The following CSMD1 variants were observed in gnomAD, a reference collection of about 807,000 sequenced individuals.
CSMD1 encodes the protein CUB and sushi domain-containing protein 1.
In CSMD1, 213 loss-of-function variants were observed where a neutral mutation model predicts 417.5. The ratio of observed to expected loss-of-function variants is 0.51; its 90% CI spans 0.46 to 0.57. The LOEUF (loss-of-function observed/expected upper bound fraction) is 0.57. Among genes scored for constraint, CSMD1 ranks in the 20% least tolerant of loss-of-function variants. The pLI, the probability that CSMD1 is intolerant of heterozygous loss-of-function variation, is 0.00. For synonymous variants in CSMD1, 2,862 were observed against 1,736.8 expected (o/e 1.65, Z -16.11); for missense variants, 6,923 against 4,529.7 (o/e 1.53, Z -15.17).
intron 52 of CSMD1, among the ~76,000 whole-genome samples, chr8:3,004,743 C>T (rs945233546): frequency 1.5e-4 from 23 of 152,150 alleles, no homozygotes; most frequent in African/African-American, 5.6e-4. Context: ...AATTCACCAA[C>T]CACTTAAAAT....
chr8:3,869,275 G>C (rs1406962205), intron 5 of CSMD1, among the ~76,000 whole-genome samples: 1 of 152,072 alleles, frequency 6.6e-6, no homozygotes, highest in African/African-American at 2.4e-5. Context: ...TTCTCAAATT[G>C]TGACACACCA....
chr8:3,030,336 C>T lies in CSMD1; in HGVS notation c.7661-823G>A, dbSNP rs576353751. 3.0e-4 allele frequency among the ~76,000 whole-genome samples: 46 copies of T among 151,858 alleles called. No individual in the cohort carries two copies. The South Asian group carries it at 4.0e-3, about 13-fold the overall frequency. ...GAAACCAGAACCATTTCTCTAATTACGAAGATTTAGTAGCTATCATTCATT... is the reference window on the plus strand; with the variant it reads ...GAAACCAGAACCATTTCTCTAATTATGAAGATTTAGTAGCTATCATTCATT... On this transcript the variant is annotated intron_variant, in intron 50 of 69. Transcript: ENST00000635120.
chr8:4,240,597 C>T (rs144430608), intron 3 of CSMD1, among the ~76,000 whole-genome samples: 1 of 152,238 alleles, frequency 6.6e-6, no homozygotes, highest in Admixed American at 6.5e-5. Context: ...AAAATGAACT[C>T]CTTTCACACT....
At chr8:3,005,016 G>A (rs901963910) in intron 52 of CSMD1, among the ~76,000 whole-genome samples, 1 of 152,188 alleles carries the variant, frequency 6.6e-6, no homozygotes, top group Non-Finnish European at 1.5e-5. Context: ...GCACATGCCT[G>A]TAGTCCCAGC....
intron 6 of CSMD1, among the ~76,000 whole-genome samples, chr8:3,728,959 C>G (rs1009506191): frequency 6.6e-6 from 1 of 152,134 alleles, no homozygotes; most frequent in Non-Finnish European, 1.5e-5. Flanking sequence ...GAGTGCCGTT[C>G]GAATATCTGC....
At chr8:4,988,556 T>G (rs1305348725) in intron 1 of CSMD1, among the ~76,000 whole-genome samples, 2 of 152,240 alleles carry the variant, frequency 1.3e-5, no homozygotes, top group East Asian at 3.8e-4. Context: ...TGAAGTTAAT[T>G]TGTTGAAATG....
chr8:4,874,465 C>A (rs1755604985), intron 1 of CSMD1, among the ~76,000 whole-genome samples: 1 of 149,878 alleles, frequency 6.7e-6, no homozygotes, highest in Admixed American at 6.7e-5. Context: ...TCTCGACTCA[C>A]TGCAATCTCT....
At chr8:3,217,639 T>C (rs1797957461) in intron 29 of CSMD1, among the ~76,000 whole-genome samples, 1 of 152,172 alleles carries the variant, frequency 6.6e-6, no homozygotes, top group Non-Finnish European at 1.5e-5. Context: ...GGCTCAAAAG[T>C]ACTGTTTTCA....
intron 3 of CSMD1, among the ~76,000 whole-genome samples, chr8:4,283,328 T>C (rs1796892260): frequency 6.6e-6 from 1 of 152,214 alleles, no homozygotes; most frequent in Non-Finnish European, 1.5e-5. Context: ...TCAGTTCTCC[T>C]TCACTGCTGC....
intron 3 of CSMD1, among the ~76,000 whole-genome samples, chr8:4,073,781 A>G (rs1180072702): frequency 6.6e-6 from 1 of 152,122 alleles, no homozygotes; most frequent in African/African-American, 2.4e-5. Context: ...CCCAAATACA[A>G]AATTTTGCTA....
intron 26 of CSMD1, among the ~76,000 whole-genome samples, chr8:3,261,437 C>T (rs547026384): frequency 1.1e-4 from 17 of 152,126 alleles, no homozygotes; most frequent in Admixed American, 4.6e-4. Flanking sequence ...GATGGGTGCG[C>T]CAAAATCCTA....
Position 4,787,801 on chromosome 8 carries a change from A to G in CSMD1, c.86-150243T>C, listed in dbSNP as rs576054692. ...TGTTACAGGCCAGACTGAATTGGATATCATGAGTCATGCTACACAGGCTAT... is the reference window on the plus strand; with the variant it reads ...TGTTACAGGCCAGACTGAATTGGATGTCATGAGTCATGCTACACAGGCTAT... On this transcript the variant is annotated intron_variant, in intron 1 of 69. Transcript: ENST00000635120. The G allele has an allele frequency of 1.9e-6, 3 of 1,574,126 alleles. No homozygotes were observed. The African/African-American group carries it at 4.0e-5, about 21-fold the overall frequency.
intron 12 of CSMD1, among the ~76,000 whole-genome samples, chr8:3,424,494 C>T (rs1048031760): frequency 1.3e-5 from 2 of 152,124 alleles, no homozygotes; most frequent in African/African-American, 4.8e-5. Context: ...ATGATTGTCC[C>T]TTAGGTCATA....
rs1809009183 is a variant in CSMD1 at position 3,918,733 on chromosome 8, G to A, written c.818+79170C>T. The stretch of plus-strand genomic sequence containing the variant: ...GAATTAATGGCATTTGCAGCAACCT[G>A]GATGGTATTAGAGACTATTCTTCTA... On this transcript the variant is annotated intron_variant, in intron 5 of 69. Coordinates refer to ENST00000635120, the MANE Select transcript of CSMD1 (RefSeq NM_033225.6). Among the ~76,000 whole-genome samples the A allele has an allele frequency of 2.6e-5, 4 of 152,196 alleles. 1 individual carries two copies. In the South Asian group the frequency reaches 8.3e-4, roughly 32 times the overall value.
chr8:4,790,702 T>C (rs766893810), intron 1 of CSMD1, among the ~76,000 whole-genome samples: 4 of 152,150 alleles, frequency 2.6e-5, no homozygotes, highest in Non-Finnish European at 5.9e-5. Flanking sequence ...TCTGATATTT[T>C]ACAAAGCCAG....
chr8:3,305,546 T>A (rs1360953932), intron 25 of CSMD1, among the ~76,000 whole-genome samples: 2 of 151,038 alleles, frequency 1.3e-5, no homozygotes, highest in African/African-American at 4.8e-5. Context: ...TTGGCCCCAT[T>A]TCCTCTCTGT....
chr8:3,832,133 G>C (rs1253274483), intron 5 of CSMD1, among the ~76,000 whole-genome samples: 1 of 152,064 alleles, frequency 6.6e-6, no homozygotes, highest in East Asian at 1.9e-4. Flanking sequence ...AATTCTTTAG[G>C]GCTATTTATG....
intron 53 of CSMD1, among the ~76,000 whole-genome samples, chr8:2,998,524 G>T (rs958177956): frequency 6.6e-6 from 1 of 152,188 alleles, no homozygotes; most frequent in African/African-American, 2.4e-5. Context: ...AAAAATTCTT[G>T]TATTAATCAT....
At chr8:4,218,852 T>C (rs935194296) in intron 3 of CSMD1, among the ~76,000 whole-genome samples, 5 of 152,312 alleles carry the variant, frequency 3.3e-5, no homozygotes, top group African/African-American at 1.2e-4. Context: ...CCTATACTTT[T>C]CCTGAGACAT....
Sources: allele counts gnomAD v4.1 joint callset (sites outside exome capture counted in the v4.1 genomes callset), GRCh38; gene constraint gnomAD v4.1.1; transcripts MANE v1.5; gene names NCBI Gene and HGNC (gene_info 2026-07-23, HGNC 2026-07-21).